SSBP3: variants seen among roughly 807,000 people sequenced by gnomAD.
The protein encoded by SSBP3 is single-stranded DNA-binding protein 3.
In SSBP3, 5 loss-of-function variants were observed where a neutral mutation model predicts 69.6. The ratio of observed to expected loss-of-function variants is 0.07; its 90% CI spans 0.04 to 0.15. The LOEUF (loss-of-function observed/expected upper bound fraction) is 0.15. SSBP3 is among the 10% of genes least tolerant of loss of function. The pLI is 1.00. For missense variants in SSBP3, 312 were observed against 534.0 expected (o/e 0.58, Z 4.10); for synonymous variants, 196 against 193.4 (o/e 1.01, Z -0.11).
At chr1:54,304,790 A>G (rs892401145) in intron 4 of SSBP3, among the ~76,000 whole-genome samples, 2 of 152,204 alleles carry the variant, frequency 1.3e-5, no homozygotes, top group Non-Finnish European at 2.9e-5. Flanking sequence ...TCACCAGTGG[A>G]AACAACCCAG....
upstream of SSBP3, among the ~76,000 whole-genome samples, chr1:54,410,853 G>A (rs940071902): frequency 6.6e-6 from 1 of 152,244 alleles, no homozygotes; most frequent in African/African-American, 2.4e-5. Flanking sequence ...CTGAGCCCAA[G>A]GTTCTGATGA....
chr1:54,289,915 C>T (rs1645573901), intron 4 of SSBP3, among the ~76,000 whole-genome samples: 1 of 152,132 alleles, frequency 6.6e-6, no homozygotes, highest in South Asian at 2.1e-4. Context: ...GGCTCACTGT[C>T]CCCAGGCGGT....
chr1:54,231,700 T>C (rs1368748195), intron 14 of SSBP3, among the ~76,000 whole-genome samples: 1 of 152,188 alleles, frequency 6.6e-6, no homozygotes, highest in African/African-American at 2.4e-5. Flanking sequence ...TTATTATTTT[T>C]TAATTTATTT....
intron 4 of SSBP3, among the ~76,000 whole-genome samples, chr1:54,283,451 G>C (rs1444357984): frequency 1.3e-5 from 2 of 152,126 alleles, no homozygotes; most frequent in South Asian, 4.1e-4. Flanking sequence ...GATGACTGTG[G>C]GCAAGCCACT....
intron 4 of SSBP3, among the ~76,000 whole-genome samples, chr1:54,349,304 G>A (rs1646742132): frequency 1.3e-5 from 2 of 152,268 alleles, no homozygotes; most frequent in Middle Eastern, 3.4e-3. Flanking sequence ...TGTTCCCTGC[G>A]GCATTCCCAG....
chr1:54,279,712 C>T (rs904740975), intron 5 of SSBP3, among the ~76,000 whole-genome samples: 14 of 152,242 alleles, frequency 9.2e-5, no homozygotes, highest in Non-Finnish European at 1.8e-4. Flanking sequence ...GAAAGGCCCG[C>T]TGATGGGTGC....
rs561926521 is a variant in SSBP3 at position 54,366,253 on chromosome 1, G to A, written c.276+35608C>T. On this transcript the variant is annotated intron_variant, in intron 4 of 17. Coordinates refer to ENST00000610401, the Ensembl canonical transcript of SSBP3. ...TTGCCCACACGACTCTGAAGGCAGAGTACTAACTATACCCATTCCTGCAGC... is the reference window on the plus strand; with the variant it reads ...TTGCCCACACGACTCTGAAGGCAGAATACTAACTATACCCATTCCTGCAGC... 7.2e-5 allele frequency among the ~76,000 whole-genome samples: 11 copies of A among 152,248 alleles called. No homozygotes were observed. In the East Asian group the frequency reaches 2.1e-3, roughly 29 times the overall value.
At chr1:54,324,562 G>A (rs1191267446) in intron 4 of SSBP3, among the ~76,000 whole-genome samples, 2 of 152,140 alleles carry the variant, frequency 1.3e-5, no homozygotes, top group African/African-American at 2.4e-5. Context: ...ACCCTCCCAC[G>A]CAGCAACCCA....
intron 4 of SSBP3, among the ~76,000 whole-genome samples, chr1:54,361,952 C>G (rs575859343): frequency 3.1e-4 from 47 of 152,168 alleles, no homozygotes; most frequent in Non-Finnish European, 6.2e-4. Context: ...CCACAGAAAG[C>G]TCTCCCAGAA....
intron 4 of SSBP3, among the ~76,000 whole-genome samples, chr1:54,307,615 GTCACAGGA>G (rs1645923872): frequency 6.6e-6 from 1 of 152,182 alleles, no homozygotes; most frequent in African/African-American, 2.4e-5. Flanking sequence ...TGCATTCTAA[GTCACAGGA>G]TGAGACAGGA....
At chr1:54,289,191 T>C (rs1322861230) in intron 4 of SSBP3, among the ~76,000 whole-genome samples, 7 of 152,112 alleles carry the variant, frequency 4.6e-5, no homozygotes, top group African/African-American at 9.7e-5. Context: ...AGACTGTCTA[T>C]ATGTTTTTGT....
At chr1:54,262,087 G>A (rs1444894457) in intron 5 of SSBP3, among the ~76,000 whole-genome samples, 4 of 152,178 alleles carry the variant, frequency 2.6e-5, no homozygotes, top group African/African-American at 4.8e-5. Flanking sequence ...ATAGGGTTTG[G>A]AAGGAACTGG....
intron 4 of SSBP3, among the ~76,000 whole-genome samples, chr1:54,373,670 T>TG (rs1466384946): frequency 6.7e-6 from 1 of 149,286 alleles, no homozygotes; most frequent in African/African-American, 2.5e-5. Flanking sequence ...GGGAGGCTGA[T>TG]GGGGGAGGAT....
At chr1:54,238,071 G>A (rs1357501080) in intron 14 of SSBP3, 1 of 450,718 alleles carries the variant, frequency 2.2e-6, no homozygotes, top group Non-Finnish European at 4.7e-6. Flanking sequence ...CTCAGGATGT[G>A]GGGCTTTTTA....
At chr1:54,312,407 T>C (rs1466374781) in intron 4 of SSBP3, among the ~76,000 whole-genome samples, 3 of 151,576 alleles carry the variant, frequency 2.0e-5, no homozygotes, top group Non-Finnish European at 2.9e-5. Flanking sequence ...CTGGCCAACA[T>C]GGTGAAACCT....
chr1:54,381,850 TC>T lies in SSBP3; in HGVS notation c.276+20010del, dbSNP rs766249321. The stretch of plus-strand genomic sequence containing the variant: ...GATGCTGGGAAGCATTCCTGTGCCT[TC>T]CTAGGGGACAAGTCAGCTGGAACCA... On this transcript the variant is annotated intron_variant, in intron 4 of 17. Transcript: ENST00000610401. 9.2e-5 allele frequency among the ~76,000 whole-genome samples: 14 copies of T among 152,352 alleles called. No individual in the cohort carries two copies. In the East Asian group the frequency reaches 1.4e-3, roughly 15 times the overall value.
intron 9 of SSBP3, among the ~76,000 whole-genome samples, chr1:54,244,064 G>A (rs969157895): frequency 5.3e-4 from 80 of 152,026 alleles, no homozygotes; most frequent in African/African-American, 1.9e-3. Context: ...CATGTAGTTG[G>A]GACTACAGTC....
intron 3 of SSBP3, among the ~76,000 whole-genome samples, chr1:54,402,550 G>C (rs1649388911): frequency 7.2e-6 from 1 of 138,230 alleles, no homozygotes; most frequent in South Asian, 2.7e-4. Flanking sequence ...CCTCCCTCAA[G>C]GAATTCTTAT....
At chr1:54,412,068 G>A (rs1281283814) in intron 1 of SSBP3, among the ~76,000 whole-genome samples, 1 of 152,062 alleles carries the variant, frequency 6.6e-6, no homozygotes, top group Non-Finnish European at 1.5e-5. Context: ...CCAAAACTTT[G>A]CTCTTGCTGG....
Sources: gnomAD v4.1 joint callset for allele counts (sites outside exome capture counted in the v4.1 genomes callset) on GRCh38, gnomAD v4.1.1 for gene constraint, MANE v1.5 for transcripts, NCBI Gene and HGNC (gene_info 2026-07-23, HGNC 2026-07-21) for gene names.